Variants in ATP10A observed in about 807,000 individuals in gnomAD.
ATP10A encodes phospholipid-transporting ATPase VA.
A neutral mutation model predicts 147.8 loss-of-function variants in ATP10A; 111 were observed. The ratio of observed to expected loss-of-function variants is 0.75; its 90% confidence interval spans 0.64 to 0.88. The LOEUF is 0.88. Among genes scored for constraint, ATP10A ranks in the 40% least tolerant of loss-of-function variants. The pLI, the probability that ATP10A is intolerant of heterozygous loss-of-function variation, is 0.00. For missense variants in ATP10A, 1,927 were observed against 1,959.0 expected, an observed-to-expected ratio of 0.98 and a Z score of 0.31; for synonymous variants, 875 against 841.6, an observed-to-expected ratio of 1.04 and a Z score of -0.69.
At chr15:25,858,295 G>T (rs888824633) in intron 1 of ATP10A, among the ~76,000 whole-genome samples, 7 of 152,148 alleles carry the variant, frequency 4.6e-5, no homozygotes, top group African/African-American at 1.7e-4. Flanking sequence ...TGACAGAGAT[G>T]CTGTGCTTCC....
At chr15:25,750,158 A>G (rs1316619133) in intron 2 of ATP10A, among the ~76,000 whole-genome samples, 1 of 152,046 alleles carries the variant, frequency 6.6e-6, no homozygotes, top group Non-Finnish European at 1.5e-5. Flanking sequence ...TATCATGATC[A>G]ATTTGCTTAA....
At chr15:25,685,084 A>G (rs1267869726) in intron 16 of ATP10A, among the ~76,000 whole-genome samples, 1 of 152,156 alleles carries the variant, frequency 6.6e-6, no homozygotes, top group East Asian at 1.9e-4. Flanking sequence ...AGAGAAAGAG[A>G]AGATAAGTAC....
At chr15:25,750,217 G>A (rs1232839016) in intron 2 of ATP10A, among the ~76,000 whole-genome samples, 2 of 151,538 alleles carry the variant, frequency 1.3e-5, no homozygotes, top group Admixed American at 1.3e-4. Context: ...TATGTACAAA[G>A]GAACACAAAT....
intron 2 of ATP10A, 116 bp downstream of exon 2, chr15:25,780,903 A>G (rs1889886778): frequency 1.7e-6 from 2 of 1,206,402 alleles, no homozygotes; most frequent in Non-Finnish European, 1.2e-6. Flanking sequence ...TCTACTAGGA[A>G]AAACAGCCTG....
intron 1 of ATP10A, among the ~76,000 whole-genome samples, chr15:25,836,948 T>TA (rs34851000): frequency 4.6e-5 from 7 of 152,044 alleles, no homozygotes; most frequent in African/African-American, 7.2e-5. Flanking sequence ...TCTCTTTTCT[T>TA]AAAAAAAATT....
At chr15:25,827,890 T>C (rs1892183401) in intron 1 of ATP10A, among the ~76,000 whole-genome samples, 1 of 152,176 alleles carries the variant, frequency 6.6e-6, no homozygotes, top group Non-Finnish European at 1.5e-5. Flanking sequence ...TCCATCTATA[T>C]GTGATCTGTA....
At chr15:25,773,197 G>A (rs1003980561) in intron 2 of ATP10A, among the ~76,000 whole-genome samples, 13 of 152,102 alleles carry the variant, frequency 8.5e-5, no homozygotes, top group Non-Finnish European at 1.5e-4. Context: ...GTAGACGGGC[G>A]AAACTCTAAG....
intron 1 of ATP10A, among the ~76,000 whole-genome samples, chr15:25,800,968 C>A (rs190355275): frequency 3.9e-5 from 6 of 152,300 alleles, no homozygotes; most frequent in Non-Finnish European, 7.3e-5. Context: ...CTGCTCCTGG[C>A]TCACTGTCAT....
intron 10 of ATP10A, chr15:25,710,589 G>A (rs974068148): frequency 1.3e-5 from 2 of 152,170 alleles, no homozygotes; most frequent in Non-Finnish European, 2.9e-5. Context: ...ATTGCTCCAA[G>A]TGATATTTCC....
intron 12 of ATP10A, 50 bp from the exon 13 acceptor site, chr15:25,702,150 C>G (rs1900707107): frequency 6.4e-7 from 1 of 1,554,012 alleles, no homozygotes; most frequent in Non-Finnish European, 8.8e-7. Flanking sequence ...ACGTGCCCCC[C>G]AATCCTTCTG....
intron 2 of ATP10A, among the ~76,000 whole-genome samples, chr15:25,774,420 C>T (rs1889501608): frequency 6.6e-6 from 1 of 152,050 alleles, no homozygotes; most frequent in Admixed American, 6.6e-5. Context: ...ACTAAAAATA[C>T]AAAATTAGCC....
chr15:25,701,129 A>G (rs569961382), intron 13 of ATP10A, among the ~76,000 whole-genome samples: 27 of 152,326 alleles, frequency 1.8e-4, no homozygotes, highest in Admixed American at 3.3e-4. Flanking sequence ...GGGGCTTGAA[A>G]GGCAGCCTTT....
chr15:25,769,607 T>A (rs1423592493), intron 2 of ATP10A, among the ~76,000 whole-genome samples: 1 of 151,196 alleles, frequency 6.6e-6, no homozygotes, highest in Non-Finnish European at 1.5e-5. Context: ...AGCCTTCAGC[T>A]AACTTTCTGG....
Position 25,713,864 on chromosome 15 carries a change from C to T in ATP10A, c.2154G>A (p.Leu718=). 6.2e-7 allele frequency: 1 copy of T among 1,613,900 alleles called. No homozygotes were observed. The highest frequency in any genetic ancestry group is 2.2e-5 in the East Asian group (1 of 44,876). Reference sequence around the variant, plus strand: ...GCAGCTCCACTGACACTTGGTCGTGCAGCCGCTCCACAAGCACGCAGTTGT... The same window carrying T: ...GCAGCTCCACTGACACTTGGTCGTGTAGCCGCTCCACAAGCACGCAGTTGT... The part of the protein sequence containing the change: ...RAYNCVLVER[L]HDQVSVELPH... Residue 718 remains leucine, a synonymous_variant, in exon 10 of 21, where the codon CTG becomes CTA. Transcript: ENST00000555815.
At chr15:25,762,942 G>A (rs74003883) in intron 2 of ATP10A, among the ~76,000 whole-genome samples, 3 of 152,062 alleles carry the variant, frequency 2.0e-5, no homozygotes, top group Non-Finnish European at 4.4e-5. Flanking sequence ...TTTAAAAAAC[G>A]AAAGGGCAGC....
chr15:25,837,804 G>A (rs1466812928), intron 1 of ATP10A, among the ~76,000 whole-genome samples: 1 of 152,218 alleles, frequency 6.6e-6, no homozygotes, highest in East Asian at 1.9e-4. Context: ...CTGGGCTAAC[G>A]GAAGGGGAAA....
chr15:25,860,254 C>T (rs1893699783), intron 1 of ATP10A, among the ~76,000 whole-genome samples: 1 of 152,124 alleles, frequency 6.6e-6, no homozygotes, highest in African/African-American at 2.4e-5. Context: ...ACTCTCTGCC[C>T]CACCTTGCTT....
intron 13 of ATP10A, among the ~76,000 whole-genome samples, chr15:25,701,279 T>G (rs949455409): frequency 2.6e-5 from 4 of 152,136 alleles, no homozygotes; most frequent in Admixed American, 2.0e-4. Flanking sequence ...CCCAAGGTCC[T>G]GATAGCTGAT....
chr15:25,837,307 T>G (rs184232938), intron 1 of ATP10A, among the ~76,000 whole-genome samples: 1 of 152,276 alleles, frequency 6.6e-6, no homozygotes, highest in East Asian at 1.9e-4. Flanking sequence ...TAAAGAAAAT[T>G]GTATATACAC....
Sources: allele counts gnomAD v4.1 joint callset (sites outside exome capture counted in the v4.1 genomes callset), GRCh38; gene constraint gnomAD v4.1.1; transcripts MANE v1.5; gene names NCBI Gene and HGNC (gene_info 2026-07-23, HGNC 2026-07-21).